Variants in LAMA2 observed in about 807,000 individuals in gnomAD.
LAMA2 encodes the protein laminin subunit alpha-2.
Under a neutral mutation model 364.8 loss-of-function variants are expected in LAMA2, and 269 were observed. That is an observed-to-expected ratio of 0.74 (90% CI 0.67 to 0.82). LAMA2 has a LOEUF of 0.82. Among genes scored for constraint, LAMA2 ranks in the 40% least tolerant of loss-of-function variants. The pLI is 0.00. For missense variants in LAMA2, 3,807 were observed against 3,873.2 expected (o/e 0.98, Z 0.45); for synonymous variants, 1,379 against 1,370.6 (o/e 1.01, Z -0.14).
intron 1 of LAMA2, among the ~76,000 whole-genome samples, chr6:128,988,870 A>T (rs531619633): frequency 7.9e-5 from 12 of 152,334 alleles, no homozygotes; most frequent in Middle Eastern, 3.4e-3. Flanking sequence ...CTGAATAAAT[A>T]TGAAATTATT....
chr6:129,307,127 T>A (rs1773925697), intron 22 of LAMA2, among the ~76,000 whole-genome samples: 1 of 152,214 alleles, frequency 6.6e-6, no homozygotes, highest in African/African-American at 2.4e-5. Context: ...TCACTTGGAT[T>A]CTTTTGAAGC....
chr6:129,444,314 A>G (rs949921410), intron 44 of LAMA2, among the ~76,000 whole-genome samples: 1 of 152,230 alleles, frequency 6.6e-6, no homozygotes, highest in African/African-American at 2.4e-5. Context: ...GCTCTTTCTC[A>G]TTAATCTAAA....
At chr6:128,909,133 C>A (rs1260591062) in intron 1 of LAMA2, among the ~76,000 whole-genome samples, 2 of 151,524 alleles carry the variant, frequency 1.3e-5, no homozygotes, top group African/African-American at 4.9e-5. Context: ...GTGGAGAGTT[C>A]TGTAGATGTC....
At chr6:129,447,797 G>C (rs929544866) in intron 45 of LAMA2, among the ~76,000 whole-genome samples, 1 of 152,168 alleles carries the variant, frequency 6.6e-6, no homozygotes, top group Non-Finnish European at 1.5e-5. Flanking sequence ...TGTTAACTTG[G>C]AAGAAGCAAT....
chr6:129,456,623 A>C, intron 48 of LAMA2, 129 bp downstream of exon 48: 1 of 885,856 alleles, frequency 1.1e-6, no homozygotes, highest in East Asian at 2.4e-5. Flanking sequence ...ATTTATGAAA[A>C]CATGAATTTA....
chr6:128,996,630 A>T (rs1783958854), intron 1 of LAMA2, among the ~76,000 whole-genome samples: 1 of 152,308 alleles, frequency 6.6e-6, no homozygotes, highest in Admixed American at 6.5e-5. Flanking sequence ...GAAACAACAG[A>T]TGCTGGAGAG....
intron 12 of LAMA2, among the ~76,000 whole-genome samples, chr6:129,223,700 A>G (rs1270597996): frequency 6.6e-6 from 1 of 152,184 alleles, no homozygotes; most frequent in African/African-American, 2.4e-5. Context: ...CCATTGATCT[A>G]CATCTCTCTT....
At chr6:128,906,715 C>G (rs1777498179) in intron 1 of LAMA2, among the ~76,000 whole-genome samples, 1 of 152,056 alleles carries the variant, frequency 6.6e-6, no homozygotes, top group Admixed American at 6.5e-5. Context: ...TTACCCATGC[C>G]TATGTCCTGA....
intron 3 of LAMA2, among the ~76,000 whole-genome samples, chr6:129,096,440 A>G (rs1775193275): frequency 6.6e-6 from 1 of 152,214 alleles, no homozygotes; most frequent in Admixed American, 6.5e-5. Flanking sequence ...ATATGTTCAC[A>G]TAATTCCTCT....
At position 129,377,387 on chromosome 6, in the gene LAMA2, A is replaced by G. The variant is rs546687247; in HGVS notation, c.4960-5735A>G. Among the ~76,000 whole-genome samples the G allele has an allele frequency of 3.9e-5, 6 of 152,056 alleles. No individual in the cohort carries two copies. In the South Asian group the frequency reaches 1.2e-3, roughly 31 times the overall value. On this transcript the variant is annotated intron_variant, in intron 34 of 64. Coordinates refer to ENST00000421865, the MANE Select transcript of LAMA2 (RefSeq NM_000426.4). ...TTTTTATTTCTCCTTTTATATTTTT[A>G]AAAGATATATATATAATATAAAACA...
intron 1 of LAMA2, among the ~76,000 whole-genome samples, chr6:128,946,139 C>CTG (rs35694054): frequency 0.13 from 19,425 of 152,114 alleles, 1,559 homozygotes; most frequent in African/African-American, 0.23. Context: ...TCGACAGGAA[C>CTG]TGATTATCAA....
chr6:129,135,330 A>C (rs1777726215), intron 4 of LAMA2, among the ~76,000 whole-genome samples: 1 of 152,204 alleles, frequency 6.6e-6, no homozygotes, highest in Admixed American at 6.5e-5. Flanking sequence ...AGTCTTCAAA[A>C]GGGGCCTAGA....
chr6:129,260,884 C>A (rs1008585456), intron 15 of LAMA2, 62 bp downstream of exon 15: 42 of 966,050 alleles, frequency 4.3e-5, no homozygotes, highest in Non-Finnish European at 3.9e-5. Context: ...CTTTCAATAA[C>A]CTATTCTAAT....
intron 3 of LAMA2, among the ~76,000 whole-genome samples, chr6:129,097,592 C>T (rs1775265516): frequency 6.6e-6 from 1 of 152,104 alleles, no homozygotes; most frequent in Non-Finnish European, 1.5e-5. Context: ...GGAATTTCTC[C>T]TCCATTATTT....
At chr6:129,172,226 G>A (rs1234798958) in intron 9 of LAMA2, among the ~76,000 whole-genome samples, 3 of 152,038 alleles carry the variant, frequency 2.0e-5, no homozygotes, top group Non-Finnish European at 2.9e-5. Flanking sequence ...GAGGAACTGC[G>A]TTCCTTTGGA....
chr6:129,245,333 T>C (rs1785679087), intron 12 of LAMA2, among the ~76,000 whole-genome samples: 1 of 152,282 alleles, frequency 6.6e-6, no homozygotes, highest in South Asian at 2.1e-4. Flanking sequence ...CACTTACTCC[T>C]ACCTGTGGAA....
Position 129,425,421 on chromosome 6 carries a change from C to T in LAMA2, c.5866-2331C>T, listed in dbSNP as rs986732498. Among the ~76,000 whole-genome samples, 41 of 151,806 alleles carry T rather than the reference C, an allele frequency of 2.7e-4. 1 individual carries two copies. Among genetic ancestry groups the T allele is most frequent in the African/African-American group, 8.9e-4 (37 of 41,418 alleles). On this transcript the variant is annotated intron_variant, in intron 40 of 64. Coordinates refer to ENST00000421865, the MANE Select transcript of LAMA2 (RefSeq NM_000426.4). ...TATTTTCTTTTTTAAATTCTTTTTA[C>T]TTTTTTTTAATTTTTGAAACTTGTA...
intron 3 of LAMA2, among the ~76,000 whole-genome samples, chr6:129,071,681 G>A (rs35055047): frequency 0.013 from 2,016 of 151,908 alleles, 19 homozygotes; most frequent in Non-Finnish European, 0.021. Flanking sequence ...TAGAAGTGAA[G>A]TGCTTAATTT....
At position 129,177,878 on chromosome 6, in the gene LAMA2, A is replaced by G. The variant is rs200224891; in HGVS notation, c.1467+12A>G. 311 of 1,612,484 alleles carry G rather than the reference A, an allele frequency of 1.9e-4. No homozygotes were observed. Among genetic ancestry groups the G allele is most frequent in the Non-Finnish European group, 2.3e-4 (275 of 1,178,780 alleles). Reference sequence around the variant, plus strand: ...CCTGTATCTGCAAGGTACATTGTTTATTCCAGTAATGTCCCACTGTCAAGA... The same window carrying G: ...CCTGTATCTGCAAGGTACATTGTTTGTTCCAGTAATGTCCCACTGTCAAGA... On this transcript the variant is annotated intron_variant, in intron 10 of 64. Coordinates refer to ENST00000421865, the MANE Select transcript of LAMA2 (RefSeq NM_000426.4).
Sources: allele counts gnomAD v4.1 joint callset (sites outside exome capture counted in the v4.1 genomes callset), GRCh38; gene constraint gnomAD v4.1.1; transcripts MANE v1.5; gene names NCBI Gene and HGNC (gene_info 2026-07-23, HGNC 2026-07-21).